The following SLC16A7 variants were observed in gnomAD, a reference collection of about 807,000 sequenced individuals.
SLC16A7 encodes solute carrier family 16 member 7.
Under a neutral mutation model 34.9 loss-of-function variants are expected in SLC16A7, and 33 were observed. The observed-to-expected ratio is 0.94, with a 90% CI of 0.72 to 1.26. The LOEUF is 1.26. Ranked by LOEUF, SLC16A7 falls within the 50% of genes most tolerant of loss-of-function variation. The pLI is 0.00. For synonymous variants in SLC16A7, 201 were observed against 206.6 expected (o/e 0.97, Z 0.23); for missense variants, 573 against 578.1 (o/e 0.99, Z 0.09).
At chr12:59,716,296 G>T (rs1241342313) in intron 3 of SLC16A7, among the ~76,000 whole-genome samples, 1 of 152,168 alleles carries the variant, frequency 6.6e-6, no homozygotes, top group African/African-American at 2.4e-5. Context: ...CCCAGGAAAT[G>T]AGTGTGCATT....
chr12:59,683,387 G>A (rs1870899111), intron 2 of SLC16A7, among the ~76,000 whole-genome samples: 1 of 152,162 alleles, frequency 6.6e-6, no homozygotes, highest in Admixed American at 6.5e-5. Context: ...AAGATGGGAG[G>A]CAAGGTTGGG....
intron 1 of SLC16A7, among the ~76,000 whole-genome samples, chr12:59,644,090 C>T (rs1460679071): frequency 1.3e-5 from 2 of 152,018 alleles, no homozygotes; most frequent in East Asian, 3.9e-4. Context: ...ATATTGATAA[C>T]ATTTGGCATA....
intron 3 of SLC16A7, among the ~76,000 whole-genome samples, chr12:59,708,667 T>C (rs1219638732): frequency 6.6e-6 from 1 of 152,080 alleles, no homozygotes; most frequent in East Asian, 1.9e-4. Flanking sequence ...GTCAACCTAT[T>C]AATCACTACT....
chr12:59,699,045 A>G (rs988142903), intron 2 of SLC16A7, among the ~76,000 whole-genome samples: 18 of 151,692 alleles, frequency 1.2e-4, no homozygotes, highest in African/African-American at 4.3e-4. Flanking sequence ...ATGTTTACAT[A>G]GTTTACTCTA....
intron 3 of SLC16A7, among the ~76,000 whole-genome samples, chr12:59,744,946 T>G (rs979706448): frequency 6.6e-6 from 1 of 152,170 alleles, no homozygotes; most frequent in Non-Finnish European, 1.5e-5. Flanking sequence ...CCAGTGCCCA[T>G]GTACTCTAGA....
chr12:59,689,671 T>C (rs1871419092), intron 2 of SLC16A7, among the ~76,000 whole-genome samples: 1 of 151,984 alleles, frequency 6.6e-6, no homozygotes, highest in South Asian at 2.1e-4. Flanking sequence ...GTAATCTTCC[T>C]AGAAGTATCC....
At chr12:59,633,013 G>T (rs1025181166) in intron 1 of SLC16A7, among the ~76,000 whole-genome samples, 2 of 151,932 alleles carry the variant, frequency 1.3e-5, no homozygotes, top group Non-Finnish European at 1.5e-5. Context: ...TAATATACCC[G>T]ACTTCCAGGC....
At position 59,704,923 on chromosome 12, in the gene SLC16A7, C is replaced by T. The variant is rs267603616; in HGVS notation, c.122C>T (p.Thr41Ile). Residue 41 changes from threonine to isoleucine, a missense_variant, in exon 3 of 6, where the codon ACC (threonine) becomes ATC (isoleucine). Physicochemically the swap from Thr to Ile is moderately conservative, Grantham distance 89. Transcript: ENST00000547379. ...GFSYAFPKAVTVFFKEIQQIF... is the reference protein window; with the variant it reads ...GFSYAFPKAVIVFFKEIQQIF... ...TCCTATGCATTCCCCAAAGCTGTCA[C>T]CGTATTCTTCAAAGAAATTCAGCAA... 1.2e-6 allele frequency: 2 copies of T among 1,613,590 alleles called. No homozygotes were observed. Among genetic ancestry groups the T allele is most frequent in the Admixed American group, 1.7e-5 (1 of 59,998 alleles).
chr12:59,619,823 C>A (rs751860634), intron 1 of SLC16A7, among the ~76,000 whole-genome samples: 1 of 152,018 alleles, frequency 6.6e-6, no homozygotes, highest in African/African-American at 2.4e-5. Context: ...CATTGATTAT[C>A]TACTGTCCCA....
At chr12:59,771,183 G>A in intron 3 of SLC16A7, 36 bp from the exon 4 acceptor site, 2 of 1,574,196 alleles carry the variant, frequency 1.3e-6, no homozygotes, top group Non-Finnish European at 1.7e-6. Flanking sequence ...AATGACAAGA[G>A]CAACTGAGTA....
chr12:59,668,916 C>T (rs1337295429), intron 2 of SLC16A7, among the ~76,000 whole-genome samples: 1 of 152,080 alleles, frequency 6.6e-6, no homozygotes, highest in Non-Finnish European at 1.5e-5. Context: ...GGGGAGTTCC[C>T]CTTCATATGC....
At chr12:59,605,507 G>A (rs556213598) in intron 1 of SLC16A7, among the ~76,000 whole-genome samples, 76 of 152,298 alleles carry the variant, frequency 5.0e-4, no homozygotes, top group Non-Finnish European at 5.6e-4. Context: ...TTACAGTGAA[G>A]AGGGATTTTG....
At chr12:59,681,156 G>A (rs1428991786) in intron 2 of SLC16A7, among the ~76,000 whole-genome samples, 1 of 152,176 alleles carries the variant, frequency 6.6e-6, no homozygotes, top group East Asian at 1.9e-4. Context: ...ACATCATTGT[G>A]TTTAGAGTCT....
chr12:59,655,478 T>G (rs1868488794), intron 2 of SLC16A7, among the ~76,000 whole-genome samples: 1 of 151,926 alleles, frequency 6.6e-6, no homozygotes, highest in South Asian at 2.1e-4. Flanking sequence ...TCAGTTTCTC[T>G]GTATATAAAA....
intron 1 of SLC16A7, among the ~76,000 whole-genome samples, chr12:59,600,003 T>C (rs901266933): frequency 7.9e-5 from 12 of 152,198 alleles, no homozygotes; most frequent in African/African-American, 2.7e-4. Flanking sequence ...AAGTCCAGCC[T>C]GTCTGGGTTT....
rs375537760 is a variant in SLC16A7 at position 59,688,800 on chromosome 12, G to A, written c.-30-15972G>A. Among the ~76,000 whole-genome samples, 211 of 152,058 alleles carry A rather than the reference G, an allele frequency of 1.4e-3. 1 individual carries two copies. The highest frequency in any genetic ancestry group is 6.8e-3 in the Middle Eastern group (2 of 294). On this transcript the variant is annotated intron_variant, in intron 2 of 5. Transcript: ENST00000547379. ...AAAATACAGCTTCCAGTTTCATTGT[G>A]TTTCCTTACAAAAACTATATTTGAA...
rs547505710 is a variant in SLC16A7 at position 59,774,994 on chromosome 12, T to G, written c.699T>G (p.Val233=). Residue 233 remains valine, a synonymous_variant, in exon 5 of 6, where the codon GTT becomes GTG. Transcript: ENST00000547379. The stretch of plus-strand genomic sequence containing the variant: ...CGAAGAAATCAACTTGGGAAAAAGT[T>G]AATAAGTATTTAGATTTCTCCCTTT... ...IKTKKSTWEK[V]NKYLDFSLFK... 1 of 1,613,830 alleles carries G rather than the reference T, an allele frequency of 6.2e-7. No homozygotes were observed. The highest frequency in any genetic ancestry group is 1.1e-5 in the South Asian group (1 of 91,084).
At chr12:59,770,853 A>G (rs1277514792) in intron 3 of SLC16A7, among the ~76,000 whole-genome samples, 1 of 152,214 alleles carries the variant, frequency 6.6e-6, no homozygotes. Context: ...CAAGTCATTT[A>G]TGTAATTCCT....
At chr12:59,687,648 C>T (rs183441661) in intron 2 of SLC16A7, among the ~76,000 whole-genome samples, 1 of 152,190 alleles carries the variant, frequency 6.6e-6, no homozygotes, top group Non-Finnish European at 1.5e-5. Flanking sequence ...TTATTTCTTG[C>T]CCATGCTGCT....
Sources: gnomAD v4.1 joint callset for allele counts (sites outside exome capture counted in the v4.1 genomes callset) on GRCh38, gnomAD v4.1.1 for gene constraint, MANE v1.5 for transcripts, NCBI Gene and HGNC (gene_info 2026-07-23, HGNC 2026-07-21) for gene names.